Variants in DLD observed in about 807,000 individuals in gnomAD.
The protein encoded by DLD is dihydrolipoamide dehydrogenase, also known as dihydrolipoyl dehydrogenase, mitochondrial.
A neutral mutation model predicts 62.2 loss-of-function variants in DLD; 36 were observed. That is an observed-to-expected ratio of 0.58 (90% CI 0.44 to 0.76). The LOEUF (loss-of-function observed/expected upper bound fraction) is 0.76, where lower values mean the gene tolerates loss of function less well. DLD is among the 30% of genes least tolerant of loss of function. The pLI is 0.00. For missense variants in DLD, 541 were observed against 608.6 expected (o/e 0.89, Z 1.17); for synonymous variants, 204 against 199.6 (o/e 1.02, Z -0.19).
intron 5 of DLD, among the ~76,000 whole-genome samples, chr7:107,904,193 G>T (rs2031947498): frequency 6.6e-6 from 1 of 152,120 alleles, no homozygotes; most frequent in Non-Finnish European, 1.5e-5. Context: ...AATCCATTGG[G>T]TATAGAGATG....
In DLD at chr7:107,908,571, G is replaced by C. The variant is rs137913129; in HGVS notation, c.684+2203G>C. On this transcript the variant is annotated intron_variant, in intron 8 of 13. Coordinates refer to ENST00000205402, the MANE Select transcript of DLD (RefSeq NM_000108.5). The stretch of plus-strand genomic sequence containing the variant: ...TAGTCCCAGCTACTCAGGAGGTTGA[G>C]ATGGGAGAATCACCTGAGCCTGGGA... Among the ~76,000 whole-genome samples the C allele has an allele frequency of 3.1e-3, 474 of 151,590 alleles. 1 individual carries two copies. The highest frequency in any genetic ancestry group is 0.01 in the African/African-American group (419 of 41,364).
intron 2 of DLD, among the ~76,000 whole-genome samples, chr7:107,898,864 C>G (rs1008085008): frequency 3.9e-5 from 6 of 152,102 alleles, no homozygotes; most frequent in African/African-American, 1.4e-4. Flanking sequence ...TGTGAGCCAC[C>G]ACACCCGGCC....
chr7:107,910,417 A>G (rs1339936519), intron 8 of DLD, among the ~76,000 whole-genome samples: 2 of 152,198 alleles, frequency 1.3e-5, no homozygotes, highest in Non-Finnish European at 2.9e-5. Flanking sequence ...ACTGTATTGA[A>G]TTAGTTTTTA....
intron 2 of DLD, among the ~76,000 whole-genome samples, chr7:107,898,749 C>G (rs1049218994): frequency 6.6e-6 from 1 of 151,680 alleles, no homozygotes. Flanking sequence ...TGCCACCACG[C>G]CCGGCTAATT....
rs188924557 is a variant in DLD at position 107,915,826 on chromosome 7, C to T, written c.875+130C>T. On this transcript the variant is annotated intron_variant, in intron 9 of 13. Transcript: ENST00000205402. Reference sequence around the variant, plus strand: ...GGTCATTTTATTACTTAATATAACTCAGTTGCTTATCAAATTATTGCATTA... The same window carrying T: ...GGTCATTTTATTACTTAATATAACTTAGTTGCTTATCAAATTATTGCATTA... 27 of 736,142 alleles carry T rather than the reference C, an allele frequency of 3.7e-5. No individual in the cohort carries two copies. In the East Asian group the frequency reaches 7.1e-4, roughly 19 times the overall value. 45.6% of individuals were successfully genotyped at this position (736,142 alleles called of 1,614,324 possible).
chr7:107,898,052 A>G (rs531430677), intron 2 of DLD, among the ~76,000 whole-genome samples: 1 of 152,150 alleles, frequency 6.6e-6, no homozygotes, highest in African/African-American at 2.4e-5. Context: ...TAATAACATT[A>G]ATTGCCTTGT....
intron 8 of DLD, among the ~76,000 whole-genome samples, chr7:107,909,277 T>C (rs1271006887): frequency 1.3e-5 from 2 of 152,226 alleles, no homozygotes; most frequent in African/African-American, 2.4e-5. Flanking sequence ...GTCACTCTTA[T>C]ACTTAACTGC....
chr7:107,913,047 G>A (rs750690113), intron 8 of DLD, among the ~76,000 whole-genome samples: 11 of 152,046 alleles, frequency 7.2e-5, no homozygotes, highest in Non-Finnish European at 1.6e-4. Flanking sequence ...ACCATTTATC[G>A]ATGAGACTGC....
intron 8 of DLD, among the ~76,000 whole-genome samples, chr7:107,906,888 C>T (rs2032021350): frequency 6.6e-6 from 1 of 152,138 alleles, no homozygotes; most frequent in Non-Finnish European, 1.5e-5. Context: ...TTCCAATGAC[C>T]TCCCTCCATT....
chr7:107,891,206 C>T lies in DLD; in HGVS notation c.-45C>T, dbSNP rs1190971538. ...ACCTTGGCGGAGCGGCGGAGGCGCC[C>T]AGCGGAGGTGAAAGTATTGGCGGAA... is the stretch of plus-strand genomic sequence containing the variant. On this transcript the variant is annotated 5_prime_UTR_variant, in exon 1 of 14. Coordinates refer to ENST00000205402, the MANE Select transcript of DLD (RefSeq NM_000108.5). The T allele has an allele frequency of 1.9e-6, 3 of 1,612,636 alleles. No homozygotes were observed. Among genetic ancestry groups the T allele is most frequent in the Non-Finnish European group, 2.5e-6 (3 of 1,178,768 alleles).
intron 2 of DLD, among the ~76,000 whole-genome samples, chr7:107,897,572 GA>G (rs1468051008): frequency 4.4e-5 from 6 of 137,150 alleles, no homozygotes; most frequent in Non-Finnish European, 7.6e-5. Flanking sequence ...ATTGTAGACT[GA>G]CTTTTTTTTT....
chr7:107,897,218 T>TACAGAATG, intron 2 of DLD, among the ~76,000 whole-genome samples: 1 of 152,228 alleles, frequency 6.6e-6, no homozygotes, highest in African/African-American at 2.4e-5. Context: ...TGATGAGTCA[T>TACAGAATG]AAATATTTGA....
intron 11 of DLD, 44 bp from the exon 12 acceptor site, chr7:107,917,880 C>G (rs1198959417): frequency 2.5e-6 from 4 of 1,613,098 alleles, no homozygotes; most frequent in Non-Finnish European, 3.4e-6. Context: ...TTGGAAAGAA[C>G]TTTTCTGGCA....
chr7:107,909,305 C>G (rs566222491), intron 8 of DLD, among the ~76,000 whole-genome samples: 1 of 152,086 alleles, frequency 6.6e-6, no homozygotes, highest in South Asian at 2.1e-4. Flanking sequence ...TTTCATAGTT[C>G]GTAAATTTTG....
intron 9 of DLD, among the ~76,000 whole-genome samples, chr7:107,916,320 A>G (rs2032267713): frequency 6.6e-6 from 1 of 152,188 alleles, no homozygotes; most frequent in African/African-American, 2.4e-5. Context: ...TTTTAATGAT[A>G]GATCTCTTTC....
rs777651721 is a variant in DLD, at chr7:107,905,543, C to CT, written c.582+42dup. On this transcript the variant is annotated intron_variant, in intron 7 of 13. Coordinates refer to ENST00000205402, the MANE Select transcript of DLD (RefSeq NM_000108.5). The stretch of plus-strand genomic sequence containing the variant: ...ATAATTTACAACCATTACAACTTTT[C>CT]TTTAGAAATACGTTTTATAAGTTAT... 2.5e-6 allele frequency: 4 copies of CT among 1,595,886 alleles called. No individual in the cohort carries two copies. In the South Asian group the frequency reaches 4.4e-5, roughly 18 times the overall value.
rs2032285112 is a variant in DLD, at chr7:107,916,918, A to G, written c.1000A>G (p.Arg334Gly). 1 of 1,613,938 alleles carries G rather than the reference A, an allele frequency of 6.2e-7. No individual in the cohort carries two copies. Among genetic ancestry groups the G allele is most frequent in the Non-Finnish European group, 8.5e-7 (1 of 1,179,974 alleles). ...LEELGIELDP[R>G]GRIPVNTRFQ... ...AGAGCTGGGAATTGAACTAGATCCC[A>G]GAGGTAGAATTCCAGTCAATACCAG... The change falls in exon 10 of 14, where the codon AGA becomes GGA. Residue 334 changes from arginine to glycine, a missense_variant. Transcript: ENST00000205402.
rs145741941 is a variant in DLD, at chr7:107,892,132, C to CTCAA, written c.39+844_39+847dup. Among the ~76,000 whole-genome samples, 683 of 152,282 alleles carry CTCAA rather than the reference C, an allele frequency of 4.5e-3. 5 individuals carry two copies. The highest frequency in any genetic ancestry group is 0.015 in the African/African-American group (641 of 41,542). Reference sequence around the variant, plus strand: ...TGCTTTTTGGGTTTGCTGTCCTGACCTCAAATGTTAAGAGTTGCCTTGGAA... The same window carrying CTCAA: ...TGCTTTTTGGGTTTGCTGTCCTGACCTCAATCAAATGTTAAGAGTTGCCTTGGAA... On this transcript the variant is annotated intron_variant, in intron 1 of 13. Transcript: ENST00000205402.
Position 107,917,452 on chromosome 7 carries a change from T to C in DLD, c.1226T>C (p.Leu409Ser). Reference protein sequence around the residue: ...VAWVGKSEEQLKEEGIEYKVG... With the variant: ...VAWVGKSEEQSKEEGIEYKVG... ...TGGGTTGGCAAATCAGAAGAGCAGT[T>C]GAAAGAAGAGGTAAGTCTGAACATG... The change falls in exon 11 of 14, where the codon TTG (leucine) becomes TCG (serine). Residue 409 changes from leucine (L) to serine (S), a missense_variant. Transcript: ENST00000205402. 6.2e-7 allele frequency: 1 copy of C among 1,614,098 alleles called. No individual in the cohort carries two copies. Among genetic ancestry groups the C allele is most frequent in the African/African-American group, 1.3e-5 (1 of 75,056 alleles).
Sources: gnomAD v4.1 joint callset for allele counts (sites outside exome capture counted in the v4.1 genomes callset) on GRCh38, gnomAD v4.1.1 for gene constraint, MANE v1.5 for transcripts, NCBI Gene and HGNC (gene_info 2026-07-23, HGNC 2026-07-21) for gene names.